The following COL5A2 variants were observed in gnomAD, a reference collection of about 807,000 sequenced individuals.
The protein encoded by COL5A2 is collagen alpha-2(V) chain.
Under a neutral mutation model 208.2 loss-of-function variants are expected in COL5A2, and 23 were observed. The ratio of observed to expected loss-of-function variants is 0.11; its 90% CI spans 0.08 to 0.16. COL5A2 has a LOEUF of 0.16. COL5A2 is among the 10% of genes least tolerant of loss of function. COL5A2 has a pLI of 1.00. For synonymous variants in COL5A2, 625 were observed against 628.5 expected (o/e 0.99, Z 0.08); for missense variants, 1,590 against 1,956.4 (o/e 0.81, Z 3.53).
the COL5A2 span, among the ~76,000 whole-genome samples, chr2:189,422,682 C>A: frequency 2.0e-5 from 3 of 152,200 alleles, 1 homozygote; most frequent in South Asian, 2.1e-4. Flanking sequence ...AGCATTTTTT[C>A]TGACCACCTG....
At chr2:189,088,853 C>T in intron 7 of COL5A2, 81 bp from the exon 8 acceptor site, 3 of 1,049,794 alleles carry the variant, frequency 2.9e-6, no homozygotes, top group South Asian at 1.3e-5. Flanking sequence ...AATGTACACT[C>T]TCTAGAATTC....
intron 25 of COL5A2, among the ~76,000 whole-genome samples, chr2:189,064,242 T>C (rs1247935451): frequency 2.0e-5 from 3 of 147,732 alleles, no homozygotes; most frequent in Admixed American, 6.9e-5. Context: ...AAAGTATATT[T>C]ACAAATATTT....
chr2:189,201,905 G>C (rs1559144531), intron 1 of COL5A2, among the ~76,000 whole-genome samples: 1 of 151,120 alleles, frequency 6.6e-6, no homozygotes, highest in Non-Finnish European at 1.5e-5. Flanking sequence ...TATACAAATA[G>C]GTAAATCTAA....
chr2:189,190,051 G>A (rs72910365), intron 1 of COL5A2, among the ~76,000 whole-genome samples: 4,726 of 152,206 alleles, frequency 0.031, 104 homozygotes, highest in Non-Finnish European at 0.049. Flanking sequence ...ACATAAATCT[G>A]AGTCCTTCTT....
At chr2:189,372,330 G>T in the COL5A2 span, among the ~76,000 whole-genome samples, 1 of 152,140 alleles carries the variant, frequency 6.6e-6, no homozygotes, top group Non-Finnish European at 1.5e-5. Context: ...GATCATTATA[G>T]TACAAATTTT....
At chr2:189,386,802 T>G in the COL5A2 span, among the ~76,000 whole-genome samples, 1 of 152,254 alleles carries the variant, frequency 6.6e-6, no homozygotes, top group African/African-American at 2.4e-5. Context: ...CAGAATGGCT[T>G]TTGTTAAAAA....
chr2:189,414,296 T>C, the COL5A2 span, among the ~76,000 whole-genome samples: 20,308 of 152,182 alleles, frequency 0.13, 1,683 homozygotes, highest in East Asian at 0.24. Flanking sequence ...AAAATTCATA[T>C]TGTAAATATA....
intron 1 of COL5A2, among the ~76,000 whole-genome samples, chr2:189,147,277 G>C (rs571758720): frequency 6.6e-6 from 1 of 152,074 alleles, no homozygotes; most frequent in Non-Finnish European, 1.5e-5. Context: ...ATGAAAAAAC[G>C]TAAGGGTTAA....
At chr2:189,355,409 G>C in the COL5A2 span, among the ~76,000 whole-genome samples, 1 of 152,120 alleles carries the variant, frequency 6.6e-6, no homozygotes, top group Non-Finnish European at 1.5e-5. Flanking sequence ...TATTTTGTGG[G>C]AGTCTAAGTC....
the COL5A2 span, among the ~76,000 whole-genome samples, chr2:189,264,406 T>C: frequency 4.6e-5 from 7 of 152,136 alleles, no homozygotes; most frequent in Non-Finnish European, 8.8e-5. Context: ...TGAAGCAACA[T>C]AGATAAATCT....
intron 1 of COL5A2, among the ~76,000 whole-genome samples, chr2:189,175,492 C>T (rs1435561647): frequency 6.6e-6 from 1 of 151,638 alleles, no homozygotes; most frequent in Non-Finnish European, 1.5e-5. Flanking sequence ...AGCCAATATG[C>T]CAGCCTTTCA....
chr2:189,425,622 A>C, the COL5A2 span, among the ~76,000 whole-genome samples: 3 of 152,296 alleles, frequency 2.0e-5, 1 homozygote, highest in South Asian at 6.2e-4. Context: ...ACATGATACA[A>C]TTTGAATTTC....
the COL5A2 span, among the ~76,000 whole-genome samples, chr2:189,401,916 GT>G: frequency 2.0e-5 from 3 of 151,704 alleles, no homozygotes. Context: ...TAATGGGGCT[GT>G]TTTTTTCTTG....
the COL5A2 span, among the ~76,000 whole-genome samples, chr2:189,362,969 T>C: frequency 0.036 from 5,539 of 152,116 alleles, 116 homozygotes; most frequent in Admixed American, 0.05. Flanking sequence ...AATTTTAAGA[T>C]AGAAGATATG....
At chr2:189,251,130 C>T in the COL5A2 span, among the ~76,000 whole-genome samples, 4 of 150,574 alleles carry the variant, frequency 2.7e-5, no homozygotes, top group Non-Finnish European at 4.4e-5. Flanking sequence ...GGGGGCATGG[C>T]TCTACACAAT....
chr2:189,034,343 G>C, intron 53 of COL5A2, 127 bp from the exon 54 acceptor site: 1 of 972,364 alleles, frequency 1.0e-6, no homozygotes, highest in East Asian at 2.6e-5. Context: ...TAAAAAAAAG[G>C]AATGAAAACA....
chr2:189,389,574 A>C, the COL5A2 span, among the ~76,000 whole-genome samples: 1 of 152,064 alleles, frequency 6.6e-6, no homozygotes, highest in Non-Finnish European at 1.5e-5. Context: ...GTGTAGAATC[A>C]CTCCATAAAT....
chr2:189,301,525 C>A, the COL5A2 span, among the ~76,000 whole-genome samples: 2 of 152,064 alleles, frequency 1.3e-5, no homozygotes, highest in African/African-American at 4.8e-5. Context: ...GTGAATTACA[C>A]CAAATTTACA....
intron 35 of COL5A2, among the ~76,000 whole-genome samples, chr2:189,054,550 A>C (rs764888522): frequency 2.6e-5 from 4 of 152,136 alleles, no homozygotes; most frequent in Non-Finnish European, 5.9e-5. Flanking sequence ...GCTAATATTT[A>C]TTCGGACATT....
Sources: gnomAD v4.1 joint callset for allele counts (sites outside exome capture counted in the v4.1 genomes callset) on GRCh38, gnomAD v4.1.1 for gene constraint, MANE v1.5 for transcripts, NCBI Gene and HGNC (gene_info 2026-07-23, HGNC 2026-07-21) for gene names.